Variants in ANGPT1 observed in about 807,000 individuals in gnomAD.
ANGPT1 encodes the protein angiopoietin-1.
A neutral mutation model predicts 62.2 loss-of-function variants in ANGPT1; 17 were observed. That is an observed-to-expected ratio of 0.27 (90% CI 0.19 to 0.41). ANGPT1 has a LOEUF of 0.41. Ranked by LOEUF, ANGPT1 falls within the 10% of genes least tolerant of loss-of-function variation. The probability of loss-of-function intolerance (pLI) is 1.00; values close to 1 mark genes in which losing one functional copy is unlikely to be tolerated. For synonymous variants in ANGPT1, 199 were observed against 198.9 expected, an observed-to-expected ratio of 1.00 and a Z score of 0.00; for missense variants, 478 against 594.9, an observed-to-expected ratio of 0.80 and a Z score of 2.04.
intron 1 of ANGPT1, among the ~76,000 whole-genome samples, chr8:107,427,087 C>T (rs1811059714): frequency 6.6e-6 from 1 of 152,202 alleles, no homozygotes; most frequent in Non-Finnish European, 1.5e-5. Flanking sequence ...CTCTGTTCCC[C>T]ATGCACTCCC....
intron 1 of ANGPT1, among the ~76,000 whole-genome samples, chr8:107,442,156 T>G (rs183005424): frequency 6.6e-6 from 1 of 152,176 alleles, no homozygotes; most frequent in Non-Finnish European, 1.5e-5. Flanking sequence ...TCAAGGAGAA[T>G]TGAACGTGTA....
At chr8:107,296,664 A>C (rs1814424365) in intron 5 of ANGPT1, among the ~76,000 whole-genome samples, 3 of 152,064 alleles carry the variant, frequency 2.0e-5, no homozygotes, top group Admixed American at 6.6e-5. Context: ...GAAAATATCA[A>C]GGAAACATTT....
At chr8:107,427,034 T>C (rs1283698) in intron 1 of ANGPT1, among the ~76,000 whole-genome samples, 11,197 of 152,164 alleles carry the variant, frequency 0.074, 472 homozygotes, top group South Asian at 0.14. Flanking sequence ...TTTCACAGAA[T>C]TTACACAAGA....
At chr8:107,361,229 A>C (rs1816155020) in intron 1 of ANGPT1, among the ~76,000 whole-genome samples, 1 of 152,000 alleles carries the variant, frequency 6.6e-6, no homozygotes, top group South Asian at 2.1e-4. Context: ...TACTAACAAA[A>C]TCCAATCAAT....
intron 1 of ANGPT1, among the ~76,000 whole-genome samples, chr8:107,382,085 A>G (rs140455176): frequency 6.6e-6 from 1 of 152,286 alleles, no homozygotes; most frequent in African/African-American, 2.4e-5. Context: ...AACCCAAACA[A>G]TAGGTCACCT....
chr8:107,325,032 G>A (rs765996844), intron 3 of ANGPT1, among the ~76,000 whole-genome samples: 3 of 152,128 alleles, frequency 2.0e-5, no homozygotes, highest in Non-Finnish European at 4.4e-5. Flanking sequence ...AGCAGTGTAA[G>A]ATGAAAAACA....
chr8:107,257,434 G>C (rs578123408), intron 8 of ANGPT1, among the ~76,000 whole-genome samples: 2 of 152,180 alleles, frequency 1.3e-5, no homozygotes, highest in African/African-American at 4.8e-5. Context: ...TTGTACTCAG[G>C]AAGTTCAACT....
At chr8:107,470,022 T>C (rs1812308151) in intron 1 of ANGPT1, among the ~76,000 whole-genome samples, 1 of 152,082 alleles carries the variant, frequency 6.6e-6, no homozygotes, top group South Asian at 2.1e-4. Context: ...CCACAATTGA[T>C]CTGTGTACAA....
At chr8:107,467,144 G>A (rs949972798) in intron 1 of ANGPT1, among the ~76,000 whole-genome samples, 6 of 151,978 alleles carry the variant, frequency 3.9e-5, no homozygotes, top group Admixed American at 3.9e-4. Flanking sequence ...AACTAAAAGA[G>A]TGGTTTAGAA....
intron 1 of ANGPT1, among the ~76,000 whole-genome samples, chr8:107,395,972 T>C (rs151123037): frequency 1.5e-3 from 233 of 152,246 alleles, no homozygotes; most frequent in African/African-American, 5.5e-3. Flanking sequence ...GAAAAGACAC[T>C]TATGTCCTGT....
chr8:107,417,834 CA>C (rs1217864759), intron 1 of ANGPT1, among the ~76,000 whole-genome samples: 3 of 152,170 alleles, frequency 2.0e-5, no homozygotes, highest in Non-Finnish European at 2.9e-5. Flanking sequence ...AAACGTAAGG[CA>C]TTTGCAACAT....
chr8:107,276,819 CT>C (rs1813878736), intron 7 of ANGPT1, among the ~76,000 whole-genome samples: 1 of 152,176 alleles, frequency 6.6e-6, no homozygotes. Flanking sequence ...CATCAAACTA[CT>C]TCCCAATGAA....
intron 1 of ANGPT1, among the ~76,000 whole-genome samples, chr8:107,465,964 G>GT (rs1330275769): frequency 1.3e-5 from 2 of 152,132 alleles, no homozygotes; most frequent in Non-Finnish European, 2.9e-5. Context: ...TATCTGGGAG[G>GT]GCTTTCTAAT....
At position 107,250,229 on chromosome 8, in the gene ANGPT1, C is replaced by T. The variant is rs897897124; in HGVS notation, c.*1626G>A. 7.2e-5 allele frequency: 11 copies of T among 152,214 alleles called. 1 individual carries two copies. The highest frequency in any genetic ancestry group is 2.0e-4 in the Admixed American group (3 of 15,280). 9.4% of individuals were successfully genotyped at this position (152,214 alleles called of 1,614,324 possible). ...TCAATTTTCTCATCCCATAGTGACT[C>T]ATGTTTTAATAAAAACTGTTTACTG... On this transcript the variant is annotated 3_prime_UTR_variant, in exon 9 of 9. Coordinates refer to ENST00000517746, the MANE Select transcript of ANGPT1 (RefSeq NM_001146.5).
chr8:107,369,545 T>A (rs538361860), intron 1 of ANGPT1, among the ~76,000 whole-genome samples: 1 of 152,356 alleles, frequency 6.6e-6, no homozygotes, highest in African/African-American at 2.4e-5. Context: ...TCTCAGCCTG[T>A]CTTGGTTTCT....
At chr8:107,358,376 A>ATT (rs5893848) in intron 1 of ANGPT1, among the ~76,000 whole-genome samples, 1 of 149,852 alleles carries the variant, frequency 6.7e-6, no homozygotes, top group Non-Finnish European at 1.5e-5. Flanking sequence ...TAAAATCCCT[A>ATT]TTTTTTTTTT....
intron 1 of ANGPT1, among the ~76,000 whole-genome samples, chr8:107,425,355 A>G (rs1811012955): frequency 6.6e-6 from 1 of 152,188 alleles, no homozygotes; most frequent in Non-Finnish European, 1.5e-5. Flanking sequence ...CTTAATACAG[A>G]CAACCCTGGG....
At chr8:107,370,371 A>AAAAAGAAG (rs1816373287) in intron 1 of ANGPT1, among the ~76,000 whole-genome samples, 1 of 34,774 alleles carries the variant, frequency 2.9e-5, no homozygotes, top group Admixed American at 4.9e-4. Context: ...AAAGAAAGAA[A>AAAAAGAAG]GAAAGAAAGA....
At chr8:107,490,949 A>G (rs1231653637) in intron 1 of ANGPT1, among the ~76,000 whole-genome samples, 1 of 152,248 alleles carries the variant, frequency 6.6e-6, no homozygotes, top group African/African-American at 2.4e-5. Context: ...GAAACTCAGA[A>G]TATTAATAAA....
Sources: allele counts gnomAD v4.1 joint callset (sites outside exome capture counted in the v4.1 genomes callset), GRCh38; gene constraint gnomAD v4.1.1; transcripts MANE v1.5; gene names NCBI Gene and HGNC (gene_info 2026-07-23, HGNC 2026-07-21).